Variants in TMEM132B observed in about 807,000 individuals in gnomAD.
TMEM132B encodes transmembrane protein 132B.
In TMEM132B, 18 loss-of-function variants were observed where a neutral mutation model predicts 90.8. That is an observed-to-expected ratio of 0.20 (90% CI 0.14 to 0.29). The LOEUF is 0.29. Ranked by LOEUF, TMEM132B falls within the 10% of genes least tolerant of loss-of-function variation. TMEM132B has a pLI of 1.00. For synonymous variants in TMEM132B, 504 were observed against 523.3 expected (o/e 0.96, Z 0.50); for missense variants, 1,096 against 1,326.8 (o/e 0.83, Z 2.70).
At chr12:125,430,908 G>A (rs1187089404) in intron 3 of TMEM132B, among the ~76,000 whole-genome samples, 2 of 152,160 alleles carry the variant, frequency 1.3e-5, no homozygotes, top group African/African-American at 4.8e-5. Flanking sequence ...CCTCTCTGAC[G>A]AGCAGAGCCC....
intron 2 of TMEM132B, among the ~76,000 whole-genome samples, chr12:125,369,026 C>T (rs541930137): frequency 1.3e-5 from 2 of 150,654 alleles, no homozygotes; most frequent in East Asian, 4.0e-4. Context: ...CCCCCCTCCC[C>T]CGGCCCCATG....
chr12:125,549,901 A>G (rs999681997), intron 4 of TMEM132B, among the ~76,000 whole-genome samples: 4 of 152,188 alleles, frequency 2.6e-5, no homozygotes, highest in Admixed American at 2.0e-4. Context: ...TAGAACGAGC[A>G]TGTGCCAGTT....
Position 125,408,562 on chromosome 12 carries a change from C to T in TMEM132B, c.960-6969C>T, listed in dbSNP as rs1266284563. Among the ~76,000 whole-genome samples the T allele has an allele frequency of 6.6e-6, 1 of 152,196 alleles. No homozygotes were observed. Among genetic ancestry groups the T allele is most frequent in the Non-Finnish European group, 1.5e-5 (1 of 68,042 alleles). On this transcript the variant is annotated intron_variant, in intron 2 of 8. Coordinates refer to ENST00000682704, the MANE Select transcript of TMEM132B (RefSeq NM_001366854.1). This position sits in a 1 kb window ranked among gnomAD's most constrained non-coding sequence, Gnocchi z 5.9. Reference sequence around the variant, plus strand: ...CTCCAGAACTGTGAGAAATAAATTTCTGTTGTTTATAAGCCTCCAAGTTTG... The same window carrying T: ...CTCCAGAACTGTGAGAAATAAATTTTTGTTGTTTATAAGCCTCCAAGTTTG...
chr12:125,587,987 G>C (rs1182768339), intron 5 of TMEM132B: 1 of 152,208 alleles, frequency 6.6e-6, no homozygotes, highest in African/African-American at 2.4e-5. Context: ...AGGGAGACAT[G>C]ACAGCTTTTT....
chr12:125,511,436 C>G (rs59037994), intron 3 of TMEM132B, among the ~76,000 whole-genome samples: 17 of 152,234 alleles, frequency 1.1e-4, no homozygotes, highest in African/African-American at 4.1e-4. Flanking sequence ...ACCAGAAACT[C>G]TGGAAATATT....
intron 4 of TMEM132B, among the ~76,000 whole-genome samples, chr12:125,553,187 G>A (rs80104843): frequency 1.3e-5 from 2 of 152,240 alleles, no homozygotes; most frequent in African/African-American, 2.4e-5. Context: ...GGGACTAATA[G>A]CTTCTCTGTA....
chr12:125,295,039 G>A (rs1039106276), intron 1 of TMEM132B, among the ~76,000 whole-genome samples: 2 of 152,120 alleles, frequency 1.3e-5, no homozygotes, highest in African/African-American at 4.8e-5. Flanking sequence ...TGTATTTTCA[G>A]TTTTTCTACT....
At chr12:125,221,450 C>T (rs1311064061) in intron 1 of TMEM132B, among the ~76,000 whole-genome samples, 1 of 152,174 alleles carries the variant, frequency 6.6e-6, no homozygotes, top group African/African-American at 2.4e-5. Flanking sequence ...GGGCTCATGA[C>T]TATATCCAGG....
intron 1 of TMEM132B, among the ~76,000 whole-genome samples, chr12:125,224,058 T>C (rs1016376614): frequency 2.6e-5 from 4 of 152,230 alleles, no homozygotes; most frequent in Non-Finnish European, 5.9e-5. Flanking sequence ...ATTACAGGCG[T>C]GAACCACCGT....
chr12:125,537,502 TG>T (rs1242432740), intron 4 of TMEM132B, among the ~76,000 whole-genome samples: 3 of 152,162 alleles, frequency 2.0e-5, no homozygotes, highest in Non-Finnish European at 4.4e-5. Flanking sequence ...CTAAGTCACC[TG>T]GGGCGGACAT....
At chr12:125,301,877 T>TCAAAACAAAA (rs149322500) in intron 1 of TMEM132B, 51,745 of 143,646 alleles carry the variant, frequency 0.36, 10,786 homozygotes, top group African/African-American at 0.55. Flanking sequence ...AGACTCCGTC[T>TCAAAACAAAA]CAAAACAAAA....
chr12:125,506,548 T>G (rs1224509207), intron 3 of TMEM132B, among the ~76,000 whole-genome samples: 1 of 152,172 alleles, frequency 6.6e-6, no homozygotes, highest in East Asian at 1.9e-4. Context: ...AATTTTATAA[T>G]GGAGTTAAAA....
intron 4 of TMEM132B, among the ~76,000 whole-genome samples, chr12:125,524,383 T>A (rs1883390341): frequency 6.6e-6 from 1 of 152,220 alleles, no homozygotes; most frequent in Non-Finnish European, 1.5e-5. Flanking sequence ...AAAATTTCAA[T>A]TATGATTACC....
At chr12:125,372,399 G>A (rs911567320) in intron 2 of TMEM132B, among the ~76,000 whole-genome samples, 1 of 152,216 alleles carries the variant, frequency 6.6e-6, no homozygotes, top group Non-Finnish European at 1.5e-5. Flanking sequence ...TTCACTTACA[G>A]CAATGCAGTT....
chr12:125,195,740 T>C (rs142582782), intron 1 of TMEM132B, among the ~76,000 whole-genome samples: 1 of 152,164 alleles, frequency 6.6e-6, no homozygotes, highest in African/African-American at 2.4e-5. Context: ...AGGTGGCATC[T>C]GAACAAAGAC....
At chr12:125,405,254 C>T (rs1172399542) in intron 2 of TMEM132B, among the ~76,000 whole-genome samples, 1 of 152,182 alleles carries the variant, frequency 6.6e-6, no homozygotes, top group Non-Finnish European at 1.5e-5. Flanking sequence ...TTCCTTGGCC[C>T]ATAGAAGCAT....
chr12:125,636,205 G>A (rs1222543352), intron 5 of TMEM132B, among the ~76,000 whole-genome samples: 2 of 152,154 alleles, frequency 1.3e-5, no homozygotes, highest in East Asian at 3.8e-4. Context: ...GACGGTCGAT[G>A]GAGCCTTCTA....
intron 3 of TMEM132B, among the ~76,000 whole-genome samples, chr12:125,417,612 A>G (rs891103170): frequency 2.0e-5 from 3 of 152,168 alleles, no homozygotes; most frequent in Admixed American, 6.5e-5. Flanking sequence ...CCCTGCAGGT[A>G]GAGAAGTTTG....
intron 5 of TMEM132B, among the ~76,000 whole-genome samples, chr12:125,613,698 G>C (rs1392383590): frequency 3.3e-5 from 5 of 151,856 alleles, no homozygotes; most frequent in Non-Finnish European, 2.9e-5. Flanking sequence ...TTACCCGTTT[G>C]TGCTATATTT....
Sources: gnomAD v4.1 joint callset for allele counts (sites outside exome capture counted in the v4.1 genomes callset) on GRCh38, gnomAD v4.1.1 for gene constraint, Gnocchi (gnomAD v3.1) non-coding constraint, MANE v1.5 for transcripts, NCBI Gene and HGNC (gene_info 2026-07-23, HGNC 2026-07-21) for gene names.